The following NBPF12 variants were observed in gnomAD, a reference collection of about 807,000 sequenced individuals.
NBPF12 encodes the protein NBPF family member NBPF12.
Under a neutral mutation model 146.4 loss-of-function variants are expected in NBPF12, and 115 were observed. The observed-to-expected ratio is 0.79, with a 90% CI of 0.68 to 0.92. The LOEUF is 0.92. Ranked by LOEUF, NBPF12 falls within the 40% of genes least tolerant of loss-of-function variation. NBPF12 has a pLI of 0.00. For missense variants in NBPF12, 1,205 were observed against 1,326.8 expected (o/e 0.91, Z 1.43); for synonymous variants, 385 against 508.9 (o/e 0.76, Z 3.28).
intron 21 of NBPF12, 82 bp from the exon 25 acceptor site, chr1:146,984,731 T>C: frequency 2.4e-6 from 2 of 824,506 alleles, no homozygotes; most frequent in Non-Finnish European, 4.3e-6. Flanking sequence ...AACTCTTCCT[T>C]ATGTTAGCCA....
intron 12 of NBPF12, 66 bp from the exon 16 acceptor site, chr1:146,971,117 G>T: frequency 3.1e-6 from 5 of 1,606,702 alleles, no homozygotes; most frequent in Non-Finnish European, 4.3e-6. Flanking sequence ...AACCAGCTAG[G>T]ACTCCTTGGG....
chr1:146,972,912 T>C, exon 14 of NBPF12: 1 of 1,017,924 alleles, frequency 9.8e-7, no homozygotes, highest in Non-Finnish European at 1.6e-6. Flanking sequence ...AGAGAAATGT[T>C]TTGTAACTCA....
At chr1:146,971,592 C>T (rs1191980144) in intron 13 of NBPF12, among the ~76,000 whole-genome samples, 198 bp downstream of exon 16, 4 of 146,036 alleles carry the variant, frequency 2.7e-5, no homozygotes, top group Non-Finnish European at 4.5e-5. Flanking sequence ...GAGTTGAAGA[C>T]CAGCCTGGAG....
At chr1:146,972,666 A>G (rs1297526350) in intron 13 of NBPF12, 85 bp from the exon 17 acceptor site, 170,177 of 1,105,716 alleles carry the variant, frequency 0.15, 16,375 homozygotes, top group Admixed American at 0.35. Context: ...AGACAAGGCT[A>G]CCAGTGACAT....
intron 19 of NBPF12, among the ~76,000 whole-genome samples, chr1:146,981,210 A>G (rs1397853316): frequency 9.2e-4 from 128 of 139,370 alleles, no homozygotes; most frequent in African/African-American, 3.3e-3. Context: ...AAGCACACCA[A>G]TGTGGACATG....
intron 14 of NBPF12, among the ~76,000 whole-genome samples, 184 bp downstream of exon 17, chr1:146,973,144 T>C (rs1326535366): frequency 6.6e-6 from 1 of 150,392 alleles, no homozygotes; most frequent in Non-Finnish European, 1.5e-5. Flanking sequence ...TTAGCAACTT[T>C]CCATGTTTGC....
chr1:146,966,636 A>G lies in NBPF12; in HGVS notation c.951A>G (p.Gln317=). ...TCAAAGAGAAATGTTTTGTAACTCA[A>G]CTGGCCGGCTTCCTGGCCAAGCAGC... Residue 317 remains glutamine (Q), a synonymous_variant, in exon 9 of 34, where the codon CAA becomes CAG. Coordinates refer to ENST00000617844, the Ensembl canonical transcript of NBPF12. 2.0e-6 allele frequency: 3 copies of G among 1,509,316 alleles called. No individual in the cohort carries two copies. In the South Asian group the frequency reaches 3.4e-5, roughly 17 times the overall value. The allele number at this position is 1,509,316 out of a possible 1,614,324, so 93.5% of individuals were successfully genotyped here.
chr1:146,972,216 G>A (rs1204459695), intron 13 of NBPF12, among the ~76,000 whole-genome samples: 5 of 150,352 alleles, frequency 3.3e-5, no homozygotes, highest in African/African-American at 5.0e-5. Context: ...CCAAGTTGGC[G>A]AAACCCCATC....
intron 10 of NBPF12, among the ~76,000 whole-genome samples, chr1:146,968,991 C>T (rs1656388230): frequency 6.6e-6 from 1 of 151,578 alleles, no homozygotes; most frequent in Admixed American, 6.6e-5. Context: ...TTCACCCCAT[C>T]TGCATCTGGC....
chr1:146,967,654 C>T (rs1460320261), intron 9 of NBPF12, among the ~76,000 whole-genome samples: 2 of 150,478 alleles, frequency 1.3e-5, no homozygotes, highest in Admixed American at 1.3e-4. Context: ...GTGTACAGAG[C>T]AGGGACCGTG....
intron 14 of NBPF12, among the ~76,000 whole-genome samples, chr1:146,973,869 A>C (rs1413698392): frequency 1.3e-5 from 2 of 149,552 alleles, no homozygotes; most frequent in African/African-American, 2.5e-5. Flanking sequence ...CCTGGGGCAC[A>C]GAGTCTTGTT....
At position 146,964,352 on chromosome 1, in the gene NBPF12, T is replaced by C. The variant is rs1656055266; in HGVS notation, c.494-5T>C. ...CATATCTGAATGAACATTTTGTATT[T>C]ATAGAAAATGATGAAGATGAGGATG... is the stretch of plus-strand genomic sequence containing the variant. On this transcript the variant is annotated splice_polypyrimidine_tract_variant and splice_region_variant and intron_variant, in intron 6 of 33. Transcript: ENST00000617844. The C allele has an allele frequency of 6.2e-7, 1 of 1,602,716 alleles. No homozygotes were observed. Among genetic ancestry groups the C allele is most frequent in the Admixed American group, 1.7e-5 (1 of 59,962 alleles).
At chr1:146,954,769 T>C (rs1293026104) in intron 2 of NBPF12, among the ~76,000 whole-genome samples, 6 of 150,406 alleles carry the variant, frequency 4.0e-5, no homozygotes, top group Admixed American at 4.0e-4. Context: ...ATTATGTGTT[T>C]TGTTGAAAAA....
intron 9 of NBPF12, among the ~76,000 whole-genome samples, chr1:146,967,013 T>A (rs1656254315): frequency 6.6e-6 from 1 of 151,272 alleles, no homozygotes; most frequent in Admixed American, 6.6e-5. Context: ...AAATAACATC[T>A]AGTCTGTTGT....
chr1:146,969,027 C>T (rs1656391755), intron 10 of NBPF12, among the ~76,000 whole-genome samples: 1 of 151,544 alleles, frequency 6.6e-6, no homozygotes, highest in African/African-American at 2.4e-5. Context: ...GGCTTTGTGT[C>T]TAGTGGCCGC....
chr1:146,961,102 C>T (rs1316565899), intron 4 of NBPF12, among the ~76,000 whole-genome samples: 10 of 151,958 alleles, frequency 6.6e-5, no homozygotes, highest in Non-Finnish European at 1.3e-4. Flanking sequence ...GCCAAGATTG[C>T]ACTATTGCAC....
At chr1:146,983,011 G>C (rs1264021169) in exon 20 of NBPF12, 4 of 1,609,206 alleles carry the variant, frequency 2.5e-6, no homozygotes, top group African/African-American at 1.4e-5. Flanking sequence ...CCTCCTGAAA[G>C]GTTGGCCTCA....
chr1:146,965,498 C>T (rs1286162578), intron 8 of NBPF12, among the ~76,000 whole-genome samples: 11 of 150,892 alleles, frequency 7.3e-5, no homozygotes, highest in Admixed American at 2.6e-4. Flanking sequence ...ATTAATAAGT[C>T]TTGGCTGGGC....
chr1:146,976,825 G>A lies in NBPF12; in HGVS notation c.2120-104G>A, dbSNP rs1317828443. 8.4e-5 allele frequency: 47 copies of A among 559,254 alleles called. 1 individual carries two copies. Among genetic ancestry groups the A allele is most frequent in the South Asian group, 5.0e-4 (25 of 49,690 alleles). 34.6% of individuals were successfully genotyped at this position (559,254 alleles called of 1,614,324 possible). On this transcript the variant is annotated intron_variant, in intron 16 of 33. Transcript: ENST00000617844. ...AAAACATGAGAGTTTTCAGTTGAAC[G>A]GTGACCCATGCCTAGATGTTCATGT...
Sources: gnomAD v4.1 joint callset for allele counts (sites outside exome capture counted in the v4.1 genomes callset) on GRCh38, gnomAD v4.1.1 for gene constraint, MANE v1.5 for transcripts, NCBI Gene and HGNC (gene_info 2026-07-23, HGNC 2026-07-21) for gene names.